The following PIK3CB variants were observed in gnomAD, a reference collection of about 807,000 sequenced individuals.
PIK3CB encodes phosphatidylinositol-4,5-bisphosphate 3-kinase catalytic subunit beta.
PIK3CB carries 39 observed loss-of-function variants against 136.8 expected under a neutral mutation model. That is an observed-to-expected ratio of 0.29 (90% CI 0.22 to 0.37). PIK3CB has a LOEUF of 0.37. Ranked by LOEUF, PIK3CB falls within the 10% of genes least tolerant of loss-of-function variation. PIK3CB has a pLI of 1.00. For missense variants in PIK3CB, 868 were observed against 1,275.4 expected (o/e 0.68, Z 4.87); for synonymous variants, 428 against 436.6 (o/e 0.98, Z 0.25).
intron 15 of PIK3CB, among the ~76,000 whole-genome samples, chr3:138,690,760 A>T (rs1430880624): frequency 1.3e-5 from 2 of 151,960 alleles, no homozygotes; most frequent in East Asian, 3.9e-4. Context: ...GAAATGAAGA[A>T]ATCAAGCAGG....
chr3:138,739,445 A>G (rs913335542), intron 5 of PIK3CB, among the ~76,000 whole-genome samples: 1 of 151,764 alleles, frequency 6.6e-6, no homozygotes, highest in African/African-American at 2.4e-5. Context: ...CCGACTCAAA[A>G]AAATAAATAA....
chr3:138,786,268 G>A (rs371217893), intron 2 of PIK3CB, among the ~76,000 whole-genome samples: 12 of 152,248 alleles, frequency 7.9e-5, no homozygotes, highest in African/African-American at 2.6e-4. Flanking sequence ...TTGTAGTCAT[G>A]AGCTATATAT....
At chr3:138,735,658 T>G (rs2045087077) in intron 6 of PIK3CB, among the ~76,000 whole-genome samples, 2 of 152,146 alleles carry the variant, frequency 1.3e-5, no homozygotes, top group Admixed American at 1.3e-4. Flanking sequence ...AAAACTAGAA[T>G]GACTCTCCAG....
intron 2 of PIK3CB, among the ~76,000 whole-genome samples, chr3:138,767,414 C>T (rs1013692340): frequency 1.3e-5 from 2 of 152,132 alleles, no homozygotes; most frequent in Non-Finnish European, 2.9e-5. Context: ...TCACACAGTC[C>T]ACTTTCAGAA....
intron 1 of PIK3CB, among the ~76,000 whole-genome samples, chr3:138,798,242 GC>G (rs2046131230): frequency 6.6e-6 from 1 of 152,040 alleles, no homozygotes; most frequent in African/African-American, 2.4e-5. Context: ...GCAGCTCACT[GC>G]ACCCTAGAAC....
rs140035848 is a variant in PIK3CB, at chr3:138,714,843, T to C, written c.1051-124A>G. The C allele has an allele frequency of 9.1e-4, 812 of 892,810 alleles. 2 individuals are homozygous for C. Among genetic ancestry groups the C allele is most frequent in the Admixed American group, 1.7e-3 (58 of 33,234 alleles). 55.3% of individuals were successfully genotyped at this position (892,810 alleles called of 1,614,324 possible). A position where few individuals can be genotyped will look rare whatever the true frequency, so the allele number is the denominator to read the frequency against. On this transcript the variant is annotated intron_variant, in intron 8 of 23. Coordinates refer to ENST00000674063, the MANE Select transcript of PIK3CB (RefSeq NM_006219.3). Reference sequence around the variant, plus strand: ...CTTTATTTTGGAGAAGGAAGGAACATACTGGAAGAAGAAACATGCCAAGTT... The same window carrying C: ...CTTTATTTTGGAGAAGGAAGGAACACACTGGAAGAAGAAACATGCCAAGTT...
At chr3:138,806,164 T>A (rs957831409) in intron 1 of PIK3CB, among the ~76,000 whole-genome samples, 5 of 152,180 alleles carry the variant, frequency 3.3e-5, no homozygotes, top group Admixed American at 2.0e-4. Context: ...GTGGTTTATT[T>A]ATTAAATCTT....
intron 6 of PIK3CB, 40 bp downstream of exon 6, chr3:138,737,667 T>A (rs1559851653): frequency 2.8e-5 from 24 of 868,306 alleles, no homozygotes; most frequent in Non-Finnish European, 4.0e-5. Flanking sequence ...ATATATATAC[T>A]CATAGACTTT....
At position 138,698,981 on chromosome 3, in the gene PIK3CB, G is replaced by A. The variant is rs755063898; in HGVS notation, c.1696C>T (p.Arg566Ter). 4 of 1,605,496 alleles carry A rather than the reference G, an allele frequency of 2.5e-6. No homozygotes were observed. Among genetic ancestry groups the A allele is most frequent in the South Asian group, 1.1e-5 (1 of 90,090 alleles). The change falls in exon 13 of 24, where the codon CGA becomes TGA. Residue 566 changes from arginine to a stop codon, truncating the protein, a stop_gained. Coordinates refer to ENST00000674063, the MANE Select transcript of PIK3CB (RefSeq NM_006219.3). LOFTEE classifies it high-confidence loss of function. ...DLIWTLRQDC[R>*]EIFPQSLPKL... Reference sequence around the variant, plus strand: ...GGCAGTGATTGTGGGAAAATCTCTCGGCAGTCTTGTCGCAAAGTCCAAATA... The same window carrying A: ...GGCAGTGATTGTGGGAAAATCTCTCAGCAGTCTTGTCGCAAAGTCCAAATA...
intron 4 of PIK3CB, among the ~76,000 whole-genome samples, chr3:138,752,792 T>G (rs750935266): frequency 6.6e-6 from 1 of 152,100 alleles, no homozygotes; most frequent in Non-Finnish European, 1.5e-5. Flanking sequence ...AAAGGTAAGG[T>G]TGCCAGGTTA....
chr3:138,711,099 T>G (rs1476205548), intron 10 of PIK3CB, among the ~76,000 whole-genome samples: 1 of 150,540 alleles, frequency 6.6e-6, no homozygotes, highest in South Asian at 2.1e-4. Flanking sequence ...AAAAAAAGTG[T>G]TTTTACTATT....
At chr3:138,680,627 ATAG>A (rs1291630505) in intron 19 of PIK3CB, among the ~76,000 whole-genome samples, 1 of 152,052 alleles carries the variant, frequency 6.6e-6, no homozygotes, top group Non-Finnish European at 1.5e-5. Flanking sequence ...TGTTGCTTCA[ATAG>A]CACCCTAGAC....
rs1351650730 is a variant in PIK3CB, at chr3:138,663,995, G to A, written c.2707C>T (p.Leu903=). Reference sequence around the variant, plus strand: ...GCTACACAGTAGCCAGCACAGGACAGTGTAAATTCCTCAATGGCTCGGTCC... The same window carrying A: ...GCTACACAGTAGCCAGCACAGGACAATGTAAATTCCTCAATGGCTCGGTCC... The part of the protein sequence containing the change: ...DLDRAIEEFT[L]SCAGYCVASY... Residue 903 remains leucine (L), a synonymous_variant, in exon 21 of 24, where the codon CTG becomes TTG. Transcript: ENST00000674063. 14 of 1,613,916 alleles carry A rather than the reference G, an allele frequency of 8.7e-6. No individual in the cohort carries two copies. The highest frequency in any genetic ancestry group is 1.1e-5 in the Non-Finnish European group (13 of 1,179,948).
intron 2 of PIK3CB, chr3:138,770,381 C>A (rs921726190): frequency 2.0e-5 from 3 of 152,082 alleles, no homozygotes; most frequent in Non-Finnish European, 4.4e-5. Context: ...TATAGGTGAA[C>A]AAATTCAACC....
chr3:138,747,497 T>C (rs1247648884), intron 4 of PIK3CB, among the ~76,000 whole-genome samples: 1 of 152,184 alleles, frequency 6.6e-6, no homozygotes, highest in East Asian at 1.9e-4. Flanking sequence ...TGCAAAATTA[T>C]TACAGTAGTA....
At chr3:138,747,054 T>TTA (rs59299476) in intron 4 of PIK3CB, among the ~76,000 whole-genome samples, 13 of 42,240 alleles carry the variant, frequency 3.1e-4, no homozygotes, top group East Asian at 1.0e-3. Context: ...TATTCAGCCT[T>TTA]TATATATATA....
chr3:138,774,515 CT>C (rs1271150307), intron 2 of PIK3CB, among the ~76,000 whole-genome samples: 1 of 152,186 alleles, frequency 6.6e-6, no homozygotes, highest in Non-Finnish European at 1.5e-5. Context: ...GAGGTGGGTG[CT>C]TTTGAATGTC....
At position 138,737,394 on chromosome 3, in the gene PIK3CB, C is replaced by CAAAAAAAAAAAAAAAAAAAAAAAAAA; in HGVS notation, c.801+287_801+312dup. 5.1e-5 allele frequency among the ~76,000 whole-genome samples: 2 copies of CAAAAAAAAAAAAAAAAAAAAAAAAAA among 39,076 alleles called. 1 individual carries two copies. Among genetic ancestry groups the CAAAAAAAAAAAAAAAAAAAAAAAAAA allele is most frequent in the South Asian group, 1.7e-3 (2 of 1,164 alleles). 25.6% of individuals were successfully genotyped at this position (39,076 alleles called of 152,430 possible). ...TAGGCGACAGAGCAACACTCTGTCT[C>CAAAAAAAAAAAAAAAAAAAAAAAAAA]AAAAAAAAAAAAAAAAAAAAAAAAA... On this transcript the variant is annotated intron_variant, in intron 6 of 23. Transcript: ENST00000674063.
At chr3:138,663,185 T>A (rs2043334065) in intron 21 of PIK3CB, among the ~76,000 whole-genome samples, 1 of 152,128 alleles carries the variant, frequency 6.6e-6, no homozygotes, top group Non-Finnish European at 1.5e-5. Flanking sequence ...ATGTCCAGAA[T>A]CTACAATGAA....
Sources: gnomAD v4.1 joint callset for allele counts (sites outside exome capture counted in the v4.1 genomes callset) on GRCh38, gnomAD v4.1.1 for gene constraint, MANE v1.5 for transcripts, NCBI Gene and HGNC (gene_info 2026-07-23, HGNC 2026-07-21) for gene names.